RUFY3: variants seen among roughly 807,000 people sequenced by gnomAD.
The protein encoded by RUFY3 is RUN and FYVE domain containing 3, also known as protein RUFY3.
Under a neutral mutation model 84.0 loss-of-function variants are expected in RUFY3, and 34 were observed. That is an observed-to-expected ratio of 0.40 (90% confidence interval 0.31 to 0.54). The LOEUF (loss-of-function observed/expected upper bound fraction) is 0.54. Ranked by LOEUF, RUFY3 falls within the 20% of genes least tolerant of loss-of-function variation. The pLI, the probability that RUFY3 is intolerant of heterozygous loss-of-function variation, is 0.39. For synonymous variants in RUFY3, 242 were observed against 252.9 expected, an observed-to-expected ratio of 0.96 and a Z score of 0.41; for missense variants, 507 against 736.8, an observed-to-expected ratio of 0.69 and a Z score of 3.61.
rs184226390 is a variant in RUFY3 at position 70,729,048 on chromosome 4, A to G, written c.178+6297A>G. Among the ~76,000 whole-genome samples, 33 of 152,280 alleles carry G rather than the reference A, an allele frequency of 2.2e-4. 1 individual carries two copies. Among genetic ancestry groups the G allele is most frequent in the African/African-American group, 7.9e-4 (33 of 41,556 alleles). ...AACTTTATTGCTGTCAATATGGGGT[A>G]TATTTGAGAACAGTAAAGGAATTAG... is the stretch of plus-strand genomic sequence containing the variant. On this transcript the variant is annotated intron_variant, in intron 1 of 17. Coordinates refer to ENST00000381006, the MANE Select transcript of RUFY3 (RefSeq NM_001037442.4).
chr4:70,716,314 T>G (rs1336912351), intron 1 of RUFY3, among the ~76,000 whole-genome samples: 1 of 151,774 alleles, frequency 6.6e-6, no homozygotes, highest in Admixed American at 6.6e-5. Context: ...CCTGGCTAAT[T>G]TTTGTATTTT....
intron 1 of RUFY3, among the ~76,000 whole-genome samples, chr4:70,711,648 C>T (rs528312759): frequency 2.0e-5 from 3 of 152,326 alleles, no homozygotes; most frequent in East Asian, 1.9e-4. Context: ...CACATACAAA[C>T]CTCAGAAATG....
intron 12 of RUFY3, chr4:70,792,029 C>T (rs1379695095): frequency 6.1e-6 from 6 of 985,238 alleles, no homozygotes; most frequent in African/African-American, 3.5e-5. Context: ...AAACCCTCCT[C>T]ATGTTTGTCA....
chr4:70,735,048 G>A (rs534035471), intron 1 of RUFY3, among the ~76,000 whole-genome samples: 1 of 152,336 alleles, frequency 6.6e-6, no homozygotes, highest in East Asian at 1.9e-4. Context: ...GAAATGCTGT[G>A]CCAGAGAAGA....
At chr4:70,711,523 G>A (rs1740998672) in intron 1 of RUFY3, among the ~76,000 whole-genome samples, 1 of 152,138 alleles carries the variant, frequency 6.6e-6, no homozygotes, top group Non-Finnish European at 1.5e-5. Flanking sequence ...TTACCATTCT[G>A]TGATTCATAA....
chr4:70,797,933 A>T (rs1560573235), intron 14 of RUFY3, among the ~76,000 whole-genome samples: 1 of 152,240 alleles, frequency 6.6e-6, no homozygotes, highest in Non-Finnish European at 1.5e-5. Context: ...TAAAAGGCTT[A>T]CAAAAGTTTA....
intron 8 of RUFY3, among the ~76,000 whole-genome samples, chr4:70,782,004 G>A (rs536656621): frequency 2.0e-5 from 3 of 152,254 alleles, no homozygotes; most frequent in African/African-American, 7.2e-5. Context: ...CTTTTTAGGT[G>A]TTGAAATGAA....
At chr4:70,784,716 C>T in intron 9 of RUFY3, 80 bp from the exon 10 acceptor site, 1 of 810,190 alleles carries the variant, frequency 1.2e-6, no homozygotes, top group Non-Finnish European at 1.8e-6. Context: ...ATCTTTTTTT[C>T]TTGCTAAGTA....
At chr4:70,747,361 C>T (rs531619419) in intron 1 of RUFY3, among the ~76,000 whole-genome samples, 34 of 152,080 alleles carry the variant, frequency 2.2e-4, no homozygotes, top group Non-Finnish European at 4.1e-4. Context: ...CAATACATAG[C>T]CTTACTATAT....
chr4:70,788,859 G>A lies in RUFY3; in HGVS notation c.1125G>A (p.Leu375=). 1 of 1,614,160 alleles carries A rather than the reference G, an allele frequency of 6.2e-7. No homozygotes were observed. The highest frequency in any genetic ancestry group is 8.5e-7 in the Non-Finnish European group (1 of 1,180,018). ...TCAGCATGAGGCAGGAGATGGAATT[G>A]GCTATGAAGATGCTGGAGAAGGATG... ...MQISMRQEME[L]AMKMLEKDVC... The change falls in exon 11 of 18, where the codon TTG becomes TTA. Residue 375 remains leucine (L), a synonymous_variant. Transcript: ENST00000381006.
intron 1 of RUFY3, chr4:70,741,615 C>T: frequency 6.6e-7 from 1 of 1,516,968 alleles, no homozygotes; most frequent in Non-Finnish European, 8.8e-7. Flanking sequence ...TTTCTTTTTG[C>T]CGTTTGCAAA....
intron 1 of RUFY3, among the ~76,000 whole-genome samples, chr4:70,713,270 G>A (rs1402217377): frequency 2.0e-5 from 3 of 152,090 alleles, no homozygotes; most frequent in African/African-American, 4.8e-5. Context: ...GGATCCGCCC[G>A]CCCCAACCTC....
rs764274372 is a variant in RUFY3, at chr4:70,784,884, A to G, written c.1071+5A>G. 6.3e-7 allele frequency: 1 copy of G among 1,583,062 alleles called. No homozygotes were observed. The highest frequency in any genetic ancestry group is 2.3e-5 in the East Asian group (1 of 43,374). ...GAAGAGACACAATTACGATTGGTAAACTATGCTTAATTTCTAATAGTTCAG... is the reference window on the plus strand; with the variant it reads ...GAAGAGACACAATTACGATTGGTAAGCTATGCTTAATTTCTAATAGTTCAG... On this transcript the variant is annotated splice_donor_5th_base_variant and intron_variant, in intron 10 of 17. Coordinates refer to ENST00000381006, the MANE Select transcript of RUFY3 (RefSeq NM_001037442.4).
chr4:70,778,473 A>G, intron 8 of RUFY3, 35 bp downstream of exon 8: 1 of 1,160,736 alleles, frequency 8.6e-7, no homozygotes, highest in Non-Finnish European at 1.3e-6. Context: ...GACTTATAGA[A>G]TTTAATATGC....
At chr4:70,724,365 A>G (rs1469925838) in intron 1 of RUFY3, among the ~76,000 whole-genome samples, 3 of 152,216 alleles carry the variant, frequency 2.0e-5, no homozygotes, top group Middle Eastern at 3.2e-3. Context: ...TTATCATGAA[A>G]TCTAGTTTAC....
intron 1 of RUFY3, among the ~76,000 whole-genome samples, chr4:70,729,488 C>T (rs1489900441): frequency 1.3e-5 from 2 of 152,036 alleles, no homozygotes; most frequent in Non-Finnish European, 2.9e-5. Context: ...GAACTCCTGA[C>T]CTCAAGTGAT....
At position 70,788,058 on chromosome 4, in the gene RUFY3, G is replaced by A. The variant is rs138806735; in HGVS notation, c.1072-748G>A. Among the ~76,000 whole-genome samples, 675 of 117,448 alleles carry A rather than the reference G, an allele frequency of 5.7e-3. 9 individuals are homozygous for A. Among genetic ancestry groups the A allele is most frequent in the African/African-American group, 0.021 (641 of 30,210 alleles). 77.1% of individuals were successfully genotyped at this position (117,448 alleles called of 152,430 possible). A position where few individuals can be genotyped will look rare whatever the true frequency, so the allele number is the denominator to read the frequency against. ...TCCCAGCACTTTGGGAGGCTGAGGC[G>A]GGCAGATCACGAGGTCAGGAATTCA... On this transcript the variant is annotated intron_variant, in intron 10 of 17. Coordinates refer to ENST00000381006, the MANE Select transcript of RUFY3 (RefSeq NM_001037442.4).
At chr4:70,720,888 C>CGTGT (rs71210198), upstream of RUFY3, among the ~76,000 whole-genome samples, 6,225 of 138,506 alleles carry the variant, frequency 0.045, 171 homozygotes, top group Middle Eastern at 0.083. Context: ...AATATAGGGC[C>CGTGT]GTGTGTGTGT....
rs573586019 is a variant in RUFY3, at chr4:70,767,777, C to G, written c.573-761C>G. 1.3e-4 allele frequency among the ~76,000 whole-genome samples: 20 copies of G among 152,144 alleles called. No homozygotes were observed. The South Asian group carries it at 3.9e-3, about 30-fold the overall frequency. On this transcript the variant is annotated intron_variant, in intron 4 of 17. Transcript: ENST00000381006. ...CACTGCAACCTCCGCCTCCTGTGTTCAAGCGATTCTCCTGCCTCAGCCTCC... is the reference window on the plus strand; with the variant it reads ...CACTGCAACCTCCGCCTCCTGTGTTGAAGCGATTCTCCTGCCTCAGCCTCC...
Sources: allele counts gnomAD v4.1 joint callset (sites outside exome capture counted in the v4.1 genomes callset), GRCh38; gene constraint gnomAD v4.1.1; transcripts MANE v1.5; gene names NCBI Gene and HGNC (gene_info 2026-07-23, HGNC 2026-07-21).